Variants in SLC44A1 observed in about 807,000 individuals in gnomAD.
The protein encoded by SLC44A1 is solute carrier family 44 member 1.
Under a neutral mutation model 79.3 loss-of-function variants are expected in SLC44A1, and 26 were observed. That is an observed-to-expected ratio of 0.33 (90% CI 0.24 to 0.46). The LOEUF (loss-of-function observed/expected upper bound fraction) is 0.46. Among genes scored for constraint, SLC44A1 ranks in the 20% least tolerant of loss-of-function variants. The probability of loss-of-function intolerance (pLI) is 1.00; values close to 1 mark genes in which losing one functional copy is unlikely to be tolerated. For missense variants in SLC44A1, 688 were observed against 798.1 expected (o/e 0.86, Z 1.66); for synonymous variants, 263 against 286.2 (o/e 0.92, Z 0.82).
intron 5 of SLC44A1, among the ~76,000 whole-genome samples, chr9:105,351,678 C>CAGAAAGAGAGAGAAAGAGAAAGAAAGA (rs1588819410): frequency 1.9e-5 from 1 of 53,866 alleles, no homozygotes; most frequent in Non-Finnish European, 5.7e-5. Context: ...AAGAAAGAAC[C>CAGAAAGAGAGAGAAAGAGAAAGAAAGA]AAGAAAAAAA....
At chr9:105,385,373 A>G (rs767860423) in intron 14 of SLC44A1, 49 bp from the exon 15 acceptor site, 9 of 1,353,366 alleles carry the variant, frequency 6.7e-6, no homozygotes, top group Non-Finnish European at 8.3e-6. Flanking sequence ...ATCTACTAAC[A>G]AATCTGAAAG....
intron 10 of SLC44A1, 115 bp from the exon 11 acceptor site, chr9:105,365,368 A>T: frequency 1.4e-6 from 1 of 722,718 alleles, no homozygotes; most frequent in Non-Finnish European, 2.3e-6. Flanking sequence ...ATAAAGCTAA[A>T]ATAAGAATGA....
At chr9:105,278,973 A>G (rs936567847) in intron 1 of SLC44A1, among the ~76,000 whole-genome samples, 1 of 152,154 alleles carries the variant, frequency 6.6e-6, no homozygotes, top group Non-Finnish European at 1.5e-5. Flanking sequence ...CCAGTCAGAT[A>G]TGAGGTAATG....
Position 105,390,370 on chromosome 9 carries a change from G to T in SLC44A1, c.*1314G>T. On this transcript the variant is annotated 3_prime_UTR_variant, in exon 16 of 16. Coordinates refer to ENST00000374720, the MANE Select transcript of SLC44A1 (RefSeq NM_080546.5). ...TTTAAAAAAAGCTATTTTTGTTAAT[G>T]TAAAGTAAATATTTCAGAGCAAATT... is the stretch of plus-strand genomic sequence containing the variant. The T allele has an allele frequency of 1.1e-6, 1 of 949,514 alleles. No individual in the cohort carries two copies. Among genetic ancestry groups the T allele is most frequent in the Non-Finnish European group, 1.2e-6 (1 of 816,680 alleles). The allele number at this position is 949,514 out of a possible 1,614,324, so 58.8% of individuals were successfully genotyped here. A position where few individuals can be genotyped will look rare whatever the true frequency, so the allele number is the denominator to read the frequency against.
In SLC44A1 at chr9:105,335,669, A is replaced by C; in HGVS notation, c.376A>C (p.Ser126Arg). Residue 126 changes from serine to arginine, a missense_variant, in exon 4 of 16, where the codon AGT becomes CGT. Transcript: ENST00000374720. ...ACPRQELKTL[S>R]DVQKFAEING... ...TCCAAGGCAAGAACTGAAAACTCTG[A>C]GTGATGTTCAGAAGTTTGCAGAGAT... 1.9e-6 allele frequency: 3 copies of C among 1,613,626 alleles called. No homozygotes were observed. The highest frequency in any genetic ancestry group is 2.5e-6 in the Non-Finnish European group (3 of 1,179,684).
intron 3 of SLC44A1, among the ~76,000 whole-genome samples, chr9:105,319,460 G>A (rs1364405664): frequency 6.6e-6 from 1 of 152,098 alleles, no homozygotes. Context: ...AACCAAAGAA[G>A]CTCACCTAAG....
At chr9:105,277,949 G>A (rs1410322715) in intron 1 of SLC44A1, among the ~76,000 whole-genome samples, 2 of 152,174 alleles carry the variant, frequency 1.3e-5, no homozygotes, top group East Asian at 3.8e-4. Flanking sequence ...GGAAATAGGT[G>A]TTAGAGGGTA....
intron 3 of SLC44A1, among the ~76,000 whole-genome samples, chr9:105,319,192 A>G (rs150505389): frequency 2.0e-5 from 3 of 152,260 alleles, no homozygotes; most frequent in Non-Finnish European, 2.9e-5. Flanking sequence ...TCTGACCCCA[A>G]TTGCAAGATC....
chr9:105,296,162 C>T (rs1358802898), intron 1 of SLC44A1, among the ~76,000 whole-genome samples: 1 of 152,118 alleles, frequency 6.6e-6, no homozygotes, highest in East Asian at 1.9e-4. Context: ...GACTGGTGCT[C>T]ACATTTGCTT....
At chr9:105,426,507 AATAAT>A (rs1473739816) in intron 15 of SLC44A1, among the ~76,000 whole-genome samples, 2 of 152,206 alleles carry the variant, frequency 1.3e-5, no homozygotes, top group Admixed American at 1.3e-4. Context: ...ACAATAATGA[AATAAT>A]ATCAATTGCT....
chr9:105,305,235 G>A (rs7019052), intron 2 of SLC44A1, among the ~76,000 whole-genome samples: 9,457 of 151,378 alleles, frequency 0.062, 391 homozygotes, highest in South Asian at 0.096. Flanking sequence ...CTCCCAAAGT[G>A]CTGGAATTAC....
At position 105,312,737 on chromosome 9, in the gene SLC44A1, T is replaced by C. The variant is rs140837556; in HGVS notation, c.269+2871T>C. On this transcript the variant is annotated intron_variant, in intron 3 of 15. Transcript: ENST00000374720. ...AGCCAGAAAATGGTGTTTTATAGTT[T>C]TAATTTGCATGTCTTTGATTATTAA... is the stretch of plus-strand genomic sequence containing the variant. 1.2e-3 allele frequency among the ~76,000 whole-genome samples: 177 copies of C among 152,344 alleles called. 1 individual carries two copies. Among genetic ancestry groups the C allele is most frequent in the African/African-American group, 3.8e-3 (157 of 41,576 alleles).
At chr9:105,425,224 T>A (rs1829305828) in intron 15 of SLC44A1, among the ~76,000 whole-genome samples, 3 of 152,146 alleles carry the variant, frequency 2.0e-5, no homozygotes, top group Admixed American at 1.3e-4. Context: ...GGCATTCCAT[T>A]ATATAGATTC....
intron 1 of SLC44A1, among the ~76,000 whole-genome samples, chr9:105,265,059 G>C (rs994135891): frequency 6.6e-6 from 1 of 152,194 alleles, no homozygotes; most frequent in African/African-American, 2.4e-5. Context: ...GCCTTCCAAA[G>C]TGCTGGGATT....
At chr9:105,248,661 G>A (rs1246552187) in intron 1 of SLC44A1, among the ~76,000 whole-genome samples, 1 of 152,158 alleles carries the variant, frequency 6.6e-6, no homozygotes, top group Non-Finnish European at 1.5e-5. Flanking sequence ...AGTCTTTTGA[G>A]GGGAACGTAA....
intron 3 of SLC44A1, among the ~76,000 whole-genome samples, chr9:105,329,500 G>A (rs1028626615): frequency 6.6e-6 from 1 of 152,120 alleles, no homozygotes; most frequent in African/African-American, 2.4e-5. Flanking sequence ...GCAATTTAAT[G>A]GCAAAGGCTC....
chr9:105,308,202 C>T (rs1831083144), intron 2 of SLC44A1, among the ~76,000 whole-genome samples: 1 of 152,198 alleles, frequency 6.6e-6, no homozygotes, highest in Admixed American at 6.5e-5. Context: ...GCTTTTCTGA[C>T]CCCAAAGCCC....
At chr9:105,373,622 A>G (rs1450859940) in intron 12 of SLC44A1, among the ~76,000 whole-genome samples, 1 of 151,370 alleles carries the variant, frequency 6.6e-6, no homozygotes, top group Non-Finnish European at 1.5e-5. Context: ...AGCTTCTATA[A>G]CTGAAAAGTT....
At chr9:105,246,314 A>G (rs1588697007) in intron 1 of SLC44A1, among the ~76,000 whole-genome samples, 1 of 151,770 alleles carries the variant, frequency 6.6e-6, no homozygotes, top group East Asian at 1.9e-4. Context: ...AGAATTGCAG[A>G]TGAATGGGGG....
Sources: allele counts gnomAD v4.1 joint callset (sites outside exome capture counted in the v4.1 genomes callset), GRCh38; gene constraint gnomAD v4.1.1; transcripts MANE v1.5; gene names NCBI Gene and HGNC (gene_info 2026-07-23, HGNC 2026-07-21).